The following LBP variants were observed in gnomAD, a reference collection of about 807,000 sequenced individuals.
The protein encoded by LBP is lipopolysaccharide binding protein, also known as lipopolysaccharide-binding protein.
Under a neutral mutation model 56.6 loss-of-function variants are expected in LBP, and 53 were observed. That is an observed-to-expected ratio of 0.94 (90% CI 0.75 to 1.18). The LOEUF (loss-of-function observed/expected upper bound fraction) is 1.18, where lower values mean the gene tolerates loss of function less well. Among genes scored for constraint, LBP ranks in the 50% most tolerant of loss-of-function variants. The pLI, the probability that LBP is intolerant of heterozygous loss-of-function variation, is 0.00. For missense variants in LBP, 601 were observed against 598.3 expected (o/e 1.00, Z -0.05); for synonymous variants, 227 against 247.5 (o/e 0.92, Z 0.78).
chr20:38,375,132 C>T (rs935880521), intron 14 of LBP, among the ~76,000 whole-genome samples: 1 of 151,648 alleles, frequency 6.6e-6, no homozygotes, highest in Non-Finnish European at 1.5e-5. Flanking sequence ...ATTCATAAAC[C>T]TATTGCTCCA....
intron 6 of LBP, among the ~76,000 whole-genome samples, chr20:38,363,395 G>A (rs964108666): frequency 9.9e-5 from 15 of 152,156 alleles, no homozygotes; most frequent in Non-Finnish European, 1.9e-4. Flanking sequence ...TGCCAACAGG[G>A]CTGCAAGGAG....
intron 13 of LBP, 95 bp downstream of exon 13, chr20:38,373,230 T>G: frequency 9.6e-7 from 1 of 1,041,050 alleles, no homozygotes; most frequent in Non-Finnish European, 1.5e-6. Context: ...TCCTGGGGGC[T>G]GTATGACCGT....
chr20:38,356,254 C>T (rs1568829088), intron 5 of LBP, among the ~76,000 whole-genome samples: 1 of 52,586 alleles, frequency 1.9e-5, no homozygotes, highest in African/African-American at 6.0e-5. Flanking sequence ...ACAGACAGCA[C>T]CCACACACAC....
At chr20:38,346,745 G>A in intron 1 of LBP, 105 bp downstream of exon 1, 1 of 1,482,724 alleles carries the variant, frequency 6.7e-7, no homozygotes, top group South Asian at 1.3e-5. Context: ...CCTCTCCCTG[G>A]GGCAGTGCCA....
At position 38,363,133 on chromosome 20, in the gene LBP, T is replaced by C. The variant is rs2076867479; in HGVS notation, c.653-842T>C. 2.0e-5 allele frequency among the ~76,000 whole-genome samples: 3 copies of C among 152,196 alleles called. No homozygotes were observed. The South Asian group carries it at 6.2e-4, about 31-fold the overall frequency. On this transcript the variant is annotated intron_variant, in intron 6 of 14. Coordinates refer to ENST00000217407, the MANE Select transcript of LBP (RefSeq NM_004139.5). ...AGTTTTAGGCCATTATCCGTAGTGC[T>C]GCTATAAATGTCCTAGTACCTATGG... is the stretch of plus-strand genomic sequence containing the variant.
chr20:38,358,435 C>T (rs1000674069), intron 5 of LBP, among the ~76,000 whole-genome samples: 1 of 152,134 alleles, frequency 6.6e-6, no homozygotes, highest in African/African-American at 2.4e-5. Flanking sequence ...ACTGGGGCAT[C>T]CAGGCTCCAG....
chr20:38,364,188 A>G (rs974403086), intron 7 of LBP, 122 bp downstream of exon 7: 3 of 702,232 alleles, frequency 4.3e-6, no homozygotes, highest in Non-Finnish European at 7.5e-6. Context: ...CCGCTTTGTC[A>G]AGGGCCGGGT....
At chr20:38,367,709 C>G (rs1006433333) in intron 9 of LBP, among the ~76,000 whole-genome samples, 2 of 152,184 alleles carry the variant, frequency 1.3e-5, no homozygotes, top group Non-Finnish European at 1.5e-5. Context: ...CTTAGTGAAG[C>G]ATTTTACCCC....
In LBP at chr20:38,370,735, C is replaced by T. The variant is rs2076897972; in HGVS notation, c.1150-3C>T. ...ACCTGCTTCCTTCTTCTGGCATTTC[C>T]AGGCCACTAATGTGTCCGCCACCTT... On this transcript the variant is annotated splice_polypyrimidine_tract_variant and splice_region_variant and intron_variant, in intron 10 of 14. Coordinates refer to ENST00000217407, the MANE Select transcript of LBP (RefSeq NM_004139.5). 1.9e-6 allele frequency: 3 copies of T among 1,613,756 alleles called. No individual in the cohort carries two copies. Among genetic ancestry groups the T allele is most frequent in the African/African-American group, 1.3e-5 (1 of 74,920 alleles).
At chr20:38,375,927 G>T (rs2083956301) in intron 14 of LBP, among the ~76,000 whole-genome samples, 1 of 152,158 alleles carries the variant, frequency 6.6e-6, no homozygotes, top group South Asian at 2.1e-4. Flanking sequence ...GCCCTTTTGG[G>T]CTCTGAGATA....
In LBP at chr20:38,346,906, G is replaced by A. The variant is rs367692341; in HGVS notation, c.124+266G>A. ...TAGTTGATTTGGGAAATGATTCCAGGAAACACTGTAGGGAATCGGTACTGA... is the reference window on the plus strand; with the variant it reads ...TAGTTGATTTGGGAAATGATTCCAGAAAACACTGTAGGGAATCGGTACTGA... On this transcript the variant is annotated intron_variant, in intron 1 of 14. Transcript: ENST00000217407. Among the ~76,000 whole-genome samples the A allele has an allele frequency of 1.1e-4, 17 of 152,302 alleles. No homozygotes were observed. The East Asian group carries it at 3.3e-3, about 29-fold the overall frequency.
intron 10 of LBP, among the ~76,000 whole-genome samples, chr20:38,369,671 T>C (rs1391038751): frequency 1.3e-5 from 2 of 152,142 alleles, no homozygotes; most frequent in Non-Finnish European, 2.9e-5. Context: ...TGTGACTATG[T>C]CTCCTCATGG....
At chr20:38,365,741 T>C (rs1256216216) in intron 8 of LBP, among the ~76,000 whole-genome samples, 5 of 145,830 alleles carry the variant, frequency 3.4e-5, no homozygotes, top group African/African-American at 1.2e-4. Context: ...TATATATATA[T>C]ATATTTATAT....
At chr20:38,376,406 C>T (rs541228060) in intron 14 of LBP, among the ~76,000 whole-genome samples, 3 of 152,208 alleles carry the variant, frequency 2.0e-5, no homozygotes, top group Admixed American at 6.5e-5. Context: ...AGCAGCAGCT[C>T]GGGGAATGAC....
chr20:38,354,033 G>A (rs779036992), intron 3 of LBP, among the ~76,000 whole-genome samples: 2 of 151,614 alleles, frequency 1.3e-5, no homozygotes, highest in Non-Finnish European at 2.9e-5. Flanking sequence ...TTTCTATGCC[G>A]ACAAGTTTAT....
At chr20:38,351,078 G>A in intron 3 of LBP, 139 bp downstream of exon 3, 9 of 1,077,922 alleles carry the variant, frequency 8.3e-6, no homozygotes, top group Non-Finnish European at 1.1e-5. Flanking sequence ...GTGGCCTGGG[G>A]ATTGAGTCCT....
At chr20:38,356,780 T>A (rs910888341) in intron 5 of LBP, among the ~76,000 whole-genome samples, 3 of 152,182 alleles carry the variant, frequency 2.0e-5, no homozygotes, top group African/African-American at 7.2e-5. Flanking sequence ...ATAACAAAAA[T>A]GGCTGCTATT....
Position 38,364,084 on chromosome 20 carries a change from G to C in LBP, c.744+18G>C. 1 of 1,556,346 alleles carries C rather than the reference G, an allele frequency of 6.4e-7. No homozygotes were observed. Among genetic ancestry groups the C allele is most frequent in the Non-Finnish European group, 8.9e-7 (1 of 1,127,644 alleles). On this transcript the variant is annotated intron_variant, in intron 7 of 14. Coordinates refer to ENST00000217407, the MANE Select transcript of LBP (RefSeq NM_004139.5). ...TGTTTAAGGTGAGGGTCCTGGGGCC[G>C]GGCTGCGTGGGTGAGGCTTTCCCTC...
chr20:38,368,028 T>C (rs903813302), intron 9 of LBP, among the ~76,000 whole-genome samples: 1 of 151,316 alleles, frequency 6.6e-6, no homozygotes, highest in African/African-American at 2.5e-5. Context: ...CCTGTCTCTA[T>C]TTTAGAAAGA....
Sources: allele counts gnomAD v4.1 joint callset (sites outside exome capture counted in the v4.1 genomes callset), GRCh38; gene constraint gnomAD v4.1.1; transcripts MANE v1.5; gene names NCBI Gene and HGNC (gene_info 2026-07-23, HGNC 2026-07-21).